The following HACD4 variants were observed in gnomAD, a reference collection of about 807,000 sequenced individuals.
The protein encoded by HACD4 is very-long-chain (3R)-3-hydroxyacyl-CoA dehydratase 4.
In HACD4, 35 loss-of-function variants were observed where a neutral mutation model predicts 33.3. That is an observed-to-expected ratio of 1.05 (90% CI 0.80 to 1.39). The LOEUF (loss-of-function observed/expected upper bound fraction) is 1.39. Ranked by LOEUF, HACD4 falls within the 40% of genes most tolerant of loss-of-function variation. The probability of loss-of-function intolerance (pLI) is 0.00; values close to 1 mark genes in which losing one functional copy is unlikely to be tolerated. For synonymous variants in HACD4, 118 were observed against 98.0 expected, an observed-to-expected ratio of 1.20 and a Z score of -1.21; for missense variants, 323 against 276.5, an observed-to-expected ratio of 1.17 and a Z score of -1.19.
rs367833587 is a variant in HACD4, at chr9:21,016,046, T to C, written c.271-36A>G. 8.5e-5 allele frequency: 119 copies of C among 1,398,212 alleles called. 2 individuals are homozygous for C. The African/African-American group carries it at 1.5e-3, about 18-fold the overall frequency. The allele number at this position is 1,398,212 out of a possible 1,614,324, so 86.6% of individuals were successfully genotyped here. ...AACAGCAAAGTCAGAAATTAGGACA[T>C]CTATTAGGCTATGTAGGTAATTTTC... On this transcript the variant is annotated intron_variant, in intron 3 of 6. Coordinates refer to ENST00000495827, the MANE Select transcript of HACD4 (RefSeq NM_001010915.5).
intron 3 of HACD4, chr9:21,017,863 A>G (rs896260461): frequency 6.6e-6 from 1 of 152,188 alleles, no homozygotes; most frequent in Non-Finnish European, 1.5e-5. Flanking sequence ...TAAGCTATCC[A>G]TGATGTCAGG....
Position 21,015,918 on chromosome 9 carries a change from C to A in HACD4, c.363G>T (p.Trp121Cys). 1 of 1,611,662 alleles carries A rather than the reference C, an allele frequency of 6.2e-7. No individual in the cohort carries two copies. Among genetic ancestry groups the A allele is most frequent in the Non-Finnish European group, 8.5e-7 (1 of 1,178,078 alleles). Reference protein sequence around the residue: ...KYVVCVLFVFWNLLDMVRYTY... With the variant: ...KYVVCVLFVFCNLLDMVRYTY... ...CTTACCTAACCATATCCAATAGATT[C>A]CAAAAGACGAATAAAACACACACCA... Residue 121 changes from tryptophan (W) to cysteine (C), a missense_variant, in exon 4 of 7, where the codon TGG becomes TGT. By Grantham distance (215) the Trp-to-Cys change is radical (BLOSUM62 -2). Coordinates refer to ENST00000495827, the MANE Select transcript of HACD4 (RefSeq NM_001010915.5).
At chr9:21,031,424 G>A (rs1279995099) in intron 1 of HACD4, 129 bp downstream of exon 1, 2 of 1,324,096 alleles carry the variant, frequency 1.5e-6, no homozygotes, top group African/African-American at 1.6e-5. Flanking sequence ...AGGGGTGCCT[G>A]GGCACGGTAG....
At chr9:21,026,496 A>G in intron 3 of HACD4, 100 bp downstream of exon 3, 1 of 926,684 alleles carries the variant, frequency 1.1e-6, no homozygotes, top group East Asian at 2.5e-5. Context: ...GACCTAAGAC[A>G]AGGGTTGGCT....
intron 6 of HACD4, 38 bp from the exon 7 acceptor site, chr9:21,007,157 T>A: frequency 9.8e-7 from 1 of 1,025,362 alleles, no homozygotes; most frequent in Non-Finnish European, 1.6e-6. Context: ...TAAGTAAGGT[T>A]AACTATTTCT....
chr9:21,030,854 G>C (rs1818195010), intron 1 of HACD4, among the ~76,000 whole-genome samples: 1 of 152,202 alleles, frequency 6.6e-6, no homozygotes, highest in African/African-American at 2.4e-5. Flanking sequence ...TGGTTTGAGG[G>C]AGTTAGGAAA....
chr9:21,027,416 T>C (rs1475998471), intron 2 of HACD4, among the ~76,000 whole-genome samples: 1 of 152,252 alleles, frequency 6.6e-6, no homozygotes, highest in Non-Finnish European at 1.5e-5. Context: ...AATGAAATCC[T>C]GCCATGTTTA....
chr9:21,009,949 T>C (rs1842371740), intron 5 of HACD4, among the ~76,000 whole-genome samples: 1 of 152,238 alleles, frequency 6.6e-6, no homozygotes, highest in South Asian at 2.1e-4. Context: ...CCACTTGGCA[T>C]AGTCTATTCC....
chr9:20,999,780 A>C lies in HACD4; in HGVS notation c.*7257T>G, dbSNP rs1842138968. On this transcript the variant is annotated 3_prime_UTR_variant, in exon 7 of 7. Transcript: ENST00000495827. ...TTATGGGTGTCTATTATGTGCCACT[A>C]TACAAGTTTCTGGGGTACAATCTGA... The C allele has an allele frequency of 6.6e-6, 1 of 152,206 alleles. No individual in the cohort carries two copies. The highest frequency in any genetic ancestry group is 2.4e-5 in the African/African-American group (1 of 41,456). The allele number at this position is 152,206 out of a possible 1,614,324, so 9.4% of individuals were successfully genotyped here.
At chr9:21,010,894 G>C (rs567754395) in intron 5 of HACD4, among the ~76,000 whole-genome samples, 2 of 152,260 alleles carry the variant, frequency 1.3e-5, no homozygotes, top group South Asian at 2.1e-4. Flanking sequence ...GCTCCAATAA[G>C]AATCTGATGC....
intron 1 of HACD4, among the ~76,000 whole-genome samples, chr9:21,030,747 A>C (rs1467706739): frequency 6.6e-6 from 1 of 152,250 alleles, no homozygotes; most frequent in African/African-American, 2.4e-5. Flanking sequence ...TATCGAAAGC[A>C]GTTTAGTTGC....
intron 2 of HACD4, among the ~76,000 whole-genome samples, chr9:21,027,333 T>G (rs1370958307): frequency 6.6e-6 from 1 of 152,196 alleles, no homozygotes; most frequent in East Asian, 1.9e-4. Context: ...TGAAATACTG[T>G]GCACTTGGAG....
intron 1 of HACD4, among the ~76,000 whole-genome samples, chr9:21,031,116 C>T (rs10117148): frequency 0.2 from 30,745 of 152,046 alleles, 3,854 homozygotes; most frequent in Middle Eastern, 0.32. Context: ...ACATATACAC[C>T]CCCAGGCCCT....
In HACD4 at chr9:21,005,778, G is replaced by A. The variant is rs923025628; in HGVS notation, c.*1259C>T. The A allele has an allele frequency of 6.6e-6, 1 of 152,190 alleles. No individual in the cohort carries two copies. The highest frequency in any genetic ancestry group is 6.5e-5 in the Admixed American group (1 of 15,274). The allele number at this position is 152,190 out of a possible 1,614,324, so 9.4% of individuals were successfully genotyped here. ...TGAAGCCAGAGTATCAGGCCAAAGA[G>A]GATTATTACTAAGACTGAAGATCTC... On this transcript the variant is annotated 3_prime_UTR_variant, in exon 7 of 7. Transcript: ENST00000495827. The surrounding 1 kb of genome is among the most constrained non-coding windows in gnomAD (Gnocchi z 4.0).
intron 3 of HACD4, among the ~76,000 whole-genome samples, chr9:21,025,728 T>A (rs1818045180): frequency 2.0e-5 from 3 of 152,178 alleles, no homozygotes; most frequent in Admixed American, 2.0e-4. Context: ...CCATCTTCCT[T>A]CAACCTGTCT....
intron 3 of HACD4, among the ~76,000 whole-genome samples, chr9:21,021,195 A>G (rs1817899146): frequency 6.6e-6 from 1 of 152,152 alleles, no homozygotes; most frequent in South Asian, 2.1e-4. Context: ...ATGCTAAAAA[A>G]TCTCCATAAG....
At chr9:21,019,614 A>G (rs1023508697) in intron 3 of HACD4, among the ~76,000 whole-genome samples, 3 of 152,144 alleles carry the variant, frequency 2.0e-5, no homozygotes, top group East Asian at 1.9e-4. Flanking sequence ...AAAAAATTCA[A>G]TCTCAACATC....
intron 4 of HACD4, among the ~76,000 whole-genome samples, chr9:21,013,980 T>C (rs372639411): frequency 6.6e-6 from 1 of 152,318 alleles, no homozygotes. Flanking sequence ...ATGATGAATA[T>C]AACTGGCAAG....
rs990187736 is a variant in HACD4, at chr9:21,011,576, A to C, written c.490+13T>G. On this transcript the variant is annotated intron_variant, in intron 5 of 6. Coordinates refer to ENST00000495827, the MANE Select transcript of HACD4 (RefSeq NM_001010915.5). Reference sequence around the variant, plus strand: ...TTGTCAGTAAGCAATACAGCAAGTCACTCTTTTCTTACCTTCAGCAAGAAC... The same window carrying C: ...TTGTCAGTAAGCAATACAGCAAGTCCCTCTTTTCTTACCTTCAGCAAGAAC... The C allele has an allele frequency of 3.3e-6, 5 of 1,493,354 alleles. No individual in the cohort carries two copies. The highest frequency in any genetic ancestry group is 4.7e-6 in the Non-Finnish European group (5 of 1,071,532). 92.5% of individuals were successfully genotyped at this position (1,493,354 alleles called of 1,614,324 possible).
Sources: gnomAD v4.1 joint callset for allele counts (sites outside exome capture counted in the v4.1 genomes callset) on GRCh38, gnomAD v4.1.1 for gene constraint, Gnocchi (gnomAD v3.1) non-coding constraint, MANE v1.5 for transcripts, NCBI Gene and HGNC (gene_info 2026-07-23, HGNC 2026-07-21) for gene names.